The following PAX3 variants were observed in gnomAD, a reference collection of about 807,000 sequenced individuals.
PAX3 encodes paired box 3.
A neutral mutation model predicts 51.6 loss-of-function variants in PAX3; 14 were observed. That is an observed-to-expected ratio of 0.27 (90% CI 0.18 to 0.42). PAX3 has a LOEUF of 0.42. PAX3 is among the 10% of genes least tolerant of loss of function. The pLI is 1.00. For synonymous variants in PAX3, 280 were observed against 253.4 expected (o/e 1.11, Z -1.00); for missense variants, 540 against 642.8 (o/e 0.84, Z 1.73).
At chr2:222,236,573 GCTTT>G (rs1692804950) in intron 4 of PAX3, among the ~76,000 whole-genome samples, 1 of 152,078 alleles carries the variant, frequency 6.6e-6, no homozygotes, top group Non-Finnish European at 1.5e-5. Context: ...TAAAAACAAG[GCTTT>G]CTTTCAGGAA....
At chr2:222,291,500 G>A (rs532932855) in intron 4 of PAX3, among the ~76,000 whole-genome samples, 1 of 152,222 alleles carries the variant, frequency 6.6e-6, no homozygotes, top group Admixed American at 6.5e-5. Context: ...CCATCTGGGA[G>A]AAAGCCACTG....
chr2:222,276,004 T>C (rs2106166209), intron 4 of PAX3, among the ~76,000 whole-genome samples: 2 of 152,324 alleles, frequency 1.3e-5, no homozygotes, highest in Middle Eastern at 6.8e-3. Context: ...CTGAAGTGAA[T>C]TCACTATTGT....
chr2:222,249,391 C>G (rs1693340753), intron 4 of PAX3, among the ~76,000 whole-genome samples: 1 of 152,148 alleles, frequency 6.6e-6, no homozygotes, highest in African/African-American at 2.4e-5. Context: ...GTAAATCTTT[C>G]CTTTTCCCAT....
chr2:222,235,126 A>G (rs1692751185), intron 4 of PAX3, among the ~76,000 whole-genome samples: 1 of 152,210 alleles, frequency 6.6e-6, no homozygotes, highest in African/African-American at 2.4e-5. Flanking sequence ...TGTCAGATCA[A>G]TTAATCAAAA....
chr2:222,233,983 A>G (rs560461638), intron 4 of PAX3, among the ~76,000 whole-genome samples: 1 of 152,280 alleles, frequency 6.6e-6, no homozygotes, highest in South Asian at 2.1e-4. Flanking sequence ...CTTTTATCTT[A>G]AACTCCAACT....
At chr2:222,237,290 G>C (rs1396262628) in intron 4 of PAX3, among the ~76,000 whole-genome samples, 2 of 150,490 alleles carry the variant, frequency 1.3e-5, no homozygotes, top group Non-Finnish European at 3.0e-5. Flanking sequence ...TTCTAGCTTA[G>C]AGTATCTTAA....
At chr2:222,267,471 A>C (rs1463184268) in intron 4 of PAX3, among the ~76,000 whole-genome samples, 1 of 152,236 alleles carries the variant, frequency 6.6e-6, no homozygotes, top group African/African-American at 2.4e-5. Context: ...ACACTTTTTC[A>C]AAATTATTGC....
intron 4 of PAX3, among the ~76,000 whole-genome samples, chr2:222,243,682 C>T (rs1456103035): frequency 1.3e-5 from 2 of 152,190 alleles, no homozygotes; most frequent in Non-Finnish European, 2.9e-5. Flanking sequence ...CTTTTAACGA[C>T]ACTTCCCATA....
chr2:222,244,278 A>G (rs1693131357), intron 4 of PAX3, among the ~76,000 whole-genome samples: 1 of 152,164 alleles, frequency 6.6e-6, no homozygotes, highest in African/African-American at 2.4e-5. Flanking sequence ...AGGAAGTTTC[A>G]TGTCATGGTG....
At chr2:222,238,608 A>G (rs1692887829) in intron 4 of PAX3, among the ~76,000 whole-genome samples, 1 of 152,200 alleles carries the variant, frequency 6.6e-6, no homozygotes, top group Admixed American at 6.5e-5. Flanking sequence ...GAGGAGGTGG[A>G]GGGATCTCTG....
chr2:222,238,278 C>T (rs1201995664), intron 4 of PAX3, among the ~76,000 whole-genome samples: 4 of 152,128 alleles, frequency 2.6e-5, no homozygotes, highest in Admixed American at 6.6e-5. Context: ...TGTCTTTGTC[C>T]GTTAGCCCCT....
chr2:222,230,934 G>A (rs969452964), intron 5 of PAX3, among the ~76,000 whole-genome samples: 2 of 149,426 alleles, frequency 1.3e-5, no homozygotes, highest in African/African-American at 4.9e-5. Flanking sequence ...CACTTATCAT[G>A]TCTGTGTTAT....
chr2:222,252,139 C>A (rs1445323452), intron 4 of PAX3, among the ~76,000 whole-genome samples: 9 of 152,146 alleles, frequency 5.9e-5, no homozygotes, highest in East Asian at 1.9e-4. Context: ...TTGATAAAGT[C>A]TATTAGAATA....
chr2:222,227,056 T>C (rs918809471), intron 5 of PAX3, among the ~76,000 whole-genome samples: 1 of 151,940 alleles, frequency 6.6e-6, no homozygotes, highest in African/African-American at 2.4e-5. Context: ...CAACCCCATA[T>C]TTTTTTAAAT....
At chr2:222,280,069 G>T (rs949345183) in intron 4 of PAX3, among the ~76,000 whole-genome samples, 9 of 152,054 alleles carry the variant, frequency 5.9e-5, no homozygotes, top group African/African-American at 2.2e-4. Flanking sequence ...AAATTAGCCA[G>T]ACGAGGTGGT....
intron 7 of PAX3, among the ~76,000 whole-genome samples, chr2:222,207,990 CAT>C (rs1559253978): frequency 1.4e-5 from 2 of 138,930 alleles, no homozygotes; most frequent in East Asian, 2.0e-4. Flanking sequence ...TATATATATA[CAT>C]ATATGTGTGT....
chr2:222,274,272 A>G (rs371966824), intron 4 of PAX3, among the ~76,000 whole-genome samples: 2 of 152,132 alleles, frequency 1.3e-5, no homozygotes, highest in African/African-American at 4.8e-5. Context: ...CTTCTTTTGT[A>G]GAAGTCATTC....
intron 4 of PAX3, among the ~76,000 whole-genome samples, chr2:222,257,864 G>T (rs535615957): frequency 6.6e-6 from 1 of 152,144 alleles, no homozygotes; most frequent in Non-Finnish European, 1.5e-5. Context: ...TGACTGCATC[G>T]TCCCGGCTCA....
intron 1 of PAX3, 42 bp downstream of exon 1, chr2:222,298,489 C>T (rs756023727): frequency 1.3e-6 from 2 of 1,528,924 alleles, no homozygotes; most frequent in South Asian, 1.2e-5. Context: ...CAGCCGGTCC[C>T]AGGCCCTGGG....
Sources: allele counts gnomAD v4.1 joint callset (sites outside exome capture counted in the v4.1 genomes callset), GRCh38; gene constraint gnomAD v4.1.1; transcripts MANE v1.5; gene names NCBI Gene and HGNC (gene_info 2026-07-23, HGNC 2026-07-21).